The following PDS5B variants were observed in gnomAD, a reference collection of about 807,000 sequenced individuals.
PDS5B encodes the protein sister chromatid cohesion protein PDS5 homolog B.
In PDS5B, 51 loss-of-function variants were observed where a neutral mutation model predicts 184.1. The ratio of observed to expected loss-of-function variants is 0.28; its 90% CI spans 0.22 to 0.35. PDS5B has a LOEUF of 0.35. PDS5B is among the 10% of genes least tolerant of loss of function. The pLI is 1.00. For synonymous variants in PDS5B, 566 were observed against 569.2 expected, an observed-to-expected ratio of 0.99 and a Z score of 0.08; for missense variants, 1,180 against 1,723.3, an observed-to-expected ratio of 0.68 and a Z score of 5.58.
chr13:32,590,032 A>G (rs536358255), intron 1 of PDS5B, among the ~76,000 whole-genome samples: 4 of 152,200 alleles, frequency 2.6e-5, no homozygotes, highest in Admixed American at 6.5e-5. Context: ...AAAAATCATG[A>G]TAATAAAACT....
intron 24 of PDS5B, among the ~76,000 whole-genome samples, chr13:32,752,701 TTAGGA>T (rs1374217622): frequency 1.3e-5 from 2 of 152,058 alleles, no homozygotes; most frequent in Admixed American, 1.3e-4. Context: ...GGTGGGTAGT[TTAGGA>T]GAGGGGAGTA....
chr13:32,765,770 A>AT (rs1191259496), intron 31 of PDS5B, among the ~76,000 whole-genome samples: 1 of 152,092 alleles, frequency 6.6e-6, no homozygotes, highest in African/African-American at 2.4e-5. Flanking sequence ...TGCGTAGCCA[A>AT]TTTTTGTATT....
At chr13:32,671,122 G>A (rs1950924617) in intron 7 of PDS5B, among the ~76,000 whole-genome samples, 2 of 152,140 alleles carry the variant, frequency 1.3e-5, no homozygotes, top group Non-Finnish European at 2.9e-5. Flanking sequence ...GTATCATACT[G>A]TCTTTTGCAT....
At chr13:32,608,052 T>A (rs1234192156) in intron 1 of PDS5B, among the ~76,000 whole-genome samples, 2 of 152,198 alleles carry the variant, frequency 1.3e-5, no homozygotes, top group African/African-American at 4.8e-5. Flanking sequence ...CTGCACCCAC[T>A]GTCCGACAAG....
intron 1 of PDS5B, among the ~76,000 whole-genome samples, chr13:32,636,650 AG>A (rs2140600851): frequency 1.3e-5 from 2 of 152,330 alleles, no homozygotes; most frequent in African/African-American, 4.8e-5. Flanking sequence ...CATCTTAGTA[AG>A]AACATTTATT....
At chr13:32,613,638 C>T (rs140665750) in intron 1 of PDS5B, among the ~76,000 whole-genome samples, 2 of 152,206 alleles carry the variant, frequency 1.3e-5, no homozygotes, top group East Asian at 3.9e-4. Flanking sequence ...GATACAAGTG[C>T]CTTATCATAT....
intron 20 of PDS5B, 143 bp downstream of exon 20, chr13:32,732,367 T>C (rs1953153181): frequency 1.3e-5 from 8 of 625,350 alleles, no homozygotes; most frequent in Non-Finnish European, 2.3e-5. Flanking sequence ...TCAACATTGA[T>C]AAGTGTTAAA....
At chr13:32,641,417 T>G (rs530736174) in intron 1 of PDS5B, among the ~76,000 whole-genome samples, 2 of 152,300 alleles carry the variant, frequency 1.3e-5, no homozygotes, top group South Asian at 4.1e-4. Context: ...CACTTTTTTC[T>G]CAAATATCCT....
chr13:32,736,970 G>A (rs1334369245), intron 21 of PDS5B, among the ~76,000 whole-genome samples: 3 of 151,986 alleles, frequency 2.0e-5, no homozygotes, highest in African/African-American at 7.3e-5. Flanking sequence ...TTTAAACATA[G>A]CTCTTTGTTT....
At position 32,635,168 on chromosome 13, in the gene PDS5B, ACGTTTTTTTTTTTTTTTT is replaced by A. The variant is rs1566267340; in HGVS notation, c.-19-13585_-19-13568del. On this transcript the variant is annotated intron_variant, in intron 1 of 34. Transcript: ENST00000315596. ...CATGCACCACCATGTCCAGCCAATT[ACGTTTTTTTTTTTTTTTT>A]TTTTTTTTTTTTTTTTTTTTTTTTT... Among the ~76,000 whole-genome samples, 50 of 87,604 alleles carry A rather than the reference ACGTTTTTTTTTTTTTTTT, an allele frequency of 5.7e-4. 1 individual carries two copies. The highest frequency in any genetic ancestry group is 1.9e-3 in the African/African-American group (46 of 23,766). The allele number at this position is 87,604 out of a possible 152,430, so 57.5% of individuals were successfully genotyped here. A position where few individuals can be genotyped will look rare whatever the true frequency, so the allele number is the denominator to read the frequency against.
At chr13:32,759,748 G>A in intron 29 of PDS5B, 58 bp downstream of exon 29, 1 of 771,472 alleles carries the variant, frequency 1.3e-6, no homozygotes, top group Middle Eastern at 2.4e-4. Flanking sequence ...AGTGATTATT[G>A]GCAAAATTGT....
intron 1 of PDS5B, among the ~76,000 whole-genome samples, chr13:32,647,073 G>A (rs538804219): frequency 6.6e-6 from 1 of 152,224 alleles, no homozygotes; most frequent in African/African-American, 2.4e-5. Context: ...TACTGAATTT[G>A]TAGGTTGGTA....
intron 10 of PDS5B, 89 bp downstream of exon 10, chr13:32,679,018 C>T (rs1403066768): frequency 4.9e-6 from 3 of 615,576 alleles, no homozygotes; most frequent in Admixed American, 2.5e-5. Context: ...CCCCTTTTTT[C>T]GGGGGTGGTA....
At position 32,769,254 on chromosome 13, in the gene PDS5B, C is replaced by T. The variant is rs59848759; in HGVS notation, c.3625-867C>T. Among the ~76,000 whole-genome samples, 444 of 152,220 alleles carry T rather than the reference C, an allele frequency of 2.9e-3. 4 individuals carry two copies. Among genetic ancestry groups the T allele is most frequent in the African/African-American group, 1.0e-2 (415 of 41,546 alleles). On this transcript the variant is annotated intron_variant, in intron 31 of 34. Transcript: ENST00000315596. Reference sequence around the variant, plus strand: ...CAGTAGTCAAAGTTGACAAAGGACACAATACGAAGGATGTAATTAGGCAGT... The same window carrying T: ...CAGTAGTCAAAGTTGACAAAGGACATAATACGAAGGATGTAATTAGGCAGT...
At chr13:32,715,295 G>A (rs1051662120) in intron 19 of PDS5B, among the ~76,000 whole-genome samples, 3 of 152,160 alleles carry the variant, frequency 2.0e-5, no homozygotes. Context: ...ATATTCTTAA[G>A]TATACAGGAC....
intron 19 of PDS5B, among the ~76,000 whole-genome samples, chr13:32,716,351 C>T (rs1416769593): frequency 5.3e-5 from 8 of 151,644 alleles, no homozygotes; most frequent in South Asian, 2.1e-4. Flanking sequence ...TGCCCGGCTG[C>T]GACCCCGTCT....
intron 1 of PDS5B, among the ~76,000 whole-genome samples, chr13:32,619,336 A>T (rs1320249532): frequency 3.3e-5 from 5 of 152,210 alleles, no homozygotes; most frequent in Admixed American, 2.6e-4. Context: ...TATACGGTGT[A>T]GCCTGTTGCT....
intron 13 of PDS5B, among the ~76,000 whole-genome samples, chr13:32,691,660 C>T (rs1383908435): frequency 6.6e-6 from 1 of 151,968 alleles, no homozygotes; most frequent in Non-Finnish European, 1.5e-5. Context: ...TCTGGGCAGT[C>T]TGATTTTTAG....
intron 31 of PDS5B, among the ~76,000 whole-genome samples, chr13:32,764,944 G>A (rs1461219993): frequency 3.9e-5 from 6 of 152,008 alleles, no homozygotes; most frequent in Admixed American, 3.9e-4. Flanking sequence ...CCTTAGAGAA[G>A]GGGAATGGAA....
Sources: allele counts gnomAD v4.1 joint callset (sites outside exome capture counted in the v4.1 genomes callset), GRCh38; gene constraint gnomAD v4.1.1; transcripts MANE v1.5; gene names NCBI Gene and HGNC (gene_info 2026-07-23, HGNC 2026-07-21).